The following ZNG1B variants were observed in gnomAD, a reference collection of about 807,000 sequenced individuals.
ZNG1B encodes the protein zinc-regulated GTPase metalloprotein activator 1B.
the ZNG1B span, among the ~76,000 whole-genome samples, chr2:113,489,066 A>G: frequency 4.6e-5 from 7 of 151,812 alleles, no homozygotes; most frequent in Non-Finnish European, 8.8e-5. Context: ...CATTGTCGTC[A>G]GGTTATCTAA....
At chr2:113,457,291 A>G in the ZNG1B span, 2 of 366,276 alleles carry the variant, frequency 5.5e-6, no homozygotes, top group Non-Finnish European at 1.1e-5. Context: ...AGCTTGGAAA[A>G]GGCCAGAACA....
At chr2:113,471,683 C>T in the ZNG1B span, among the ~76,000 whole-genome samples, 1 of 145,814 alleles carries the variant, frequency 6.9e-6, no homozygotes. Context: ...CTTCCTGTGT[C>T]CATGTGTTCT....
chr2:113,473,949 T>G, the ZNG1B span, among the ~76,000 whole-genome samples: 13 of 147,572 alleles, frequency 8.8e-5, no homozygotes, highest in Non-Finnish European at 1.6e-4. Context: ...TAAAATTCTC[T>G]TTTTTGGTTG....
At chr2:113,443,626 G>A in the ZNG1B span, 537 of 1,183,194 alleles carry the variant, frequency 4.5e-4, 8 homozygotes, top group South Asian at 2.4e-3. Context: ...TAGATATCGA[G>A]GCTGCATGAA....
At chr2:113,439,754 T>G in the ZNG1B span, among the ~76,000 whole-genome samples, 1 of 152,228 alleles carries the variant, frequency 6.6e-6, no homozygotes, top group Non-Finnish European at 1.5e-5. Context: ...GTGACTCCTC[T>G]GGCTAGATGT....
the ZNG1B span, among the ~76,000 whole-genome samples, chr2:113,457,642 T>C: frequency 6.0e-5 from 9 of 150,738 alleles, no homozygotes; most frequent in Non-Finnish European, 4.4e-5. Flanking sequence ...CCCAGCTTTA[T>C]TGAGGTACAA....
At chr2:113,467,018 C>T in the ZNG1B span, among the ~76,000 whole-genome samples, 2 of 142,560 alleles carry the variant, frequency 1.4e-5, no homozygotes, top group East Asian at 2.0e-4. Context: ...GAGCTGAGAT[C>T]GCACCACTGC....
At chr2:113,472,708 A>G in the ZNG1B span, among the ~76,000 whole-genome samples, 46 of 151,864 alleles carry the variant, frequency 3.0e-4, no homozygotes, top group Non-Finnish European at 5.5e-4. Flanking sequence ...ACATATGGCT[A>G]GCCAGTTTTC....
chr2:113,455,016 G>A, the ZNG1B span, among the ~76,000 whole-genome samples: 5 of 152,074 alleles, frequency 3.3e-5, no homozygotes, highest in Non-Finnish European at 7.4e-5. Flanking sequence ...TTTGTAATAA[G>A]CATATGGGGT....
the ZNG1B span, chr2:113,455,454 C>T: frequency 2.1e-6 from 1 of 476,564 alleles, no homozygotes. Context: ...TTCTAAGGTC[C>T]TAGAATGCAT....
At chr2:113,494,542 A>G in the ZNG1B span, 14 of 847,754 alleles carry the variant, frequency 1.7e-5, 3 homozygotes, top group Non-Finnish European at 1.8e-5. Context: ...TAAATTAAGA[A>G]TATTATTTCA....
At chr2:113,452,207 A>C in the ZNG1B span, among the ~76,000 whole-genome samples, 4 of 152,168 alleles carry the variant, frequency 2.6e-5, no homozygotes, top group African/African-American at 9.7e-5. Context: ...AATAGGTATC[A>C]GGAAACCATT....
chr2:113,442,265 AATATT>A, the ZNG1B span, among the ~76,000 whole-genome samples: 7,974 of 151,798 alleles, frequency 0.053, 524 homozygotes, highest in African/African-American at 0.18. Context: ...TCTCAACTGA[AATATT>A]AAACTGTAGT....
At chr2:113,462,584 A>C in the ZNG1B span, 2 of 1,431,036 alleles carry the variant, frequency 1.4e-6, no homozygotes, top group Non-Finnish European at 1.9e-6. Context: ...GTAGAAACTT[A>C]AGGTATAAGG....
At chr2:113,473,919 G>A in the ZNG1B span, among the ~76,000 whole-genome samples, 1 of 141,546 alleles carries the variant, frequency 7.1e-6, no homozygotes, top group Non-Finnish European at 1.5e-5. Context: ...TTGCATCAAT[G>A]TTCATCAAGG....
chr2:113,470,945 T>G, the ZNG1B span: 7 of 1,540,256 alleles, frequency 4.5e-6, no homozygotes, highest in African/African-American at 1.4e-5. Flanking sequence ...ATGTATAAAA[T>G]TTTTTAAGAG....
At chr2:113,465,292 A>G in the ZNG1B span, 3 of 401,194 alleles carry the variant, frequency 7.5e-6, no homozygotes, top group African/African-American at 6.2e-5. Flanking sequence ...GCATTTAAAA[A>G]GAATTGGATC....
At chr2:113,461,414 A>T in the ZNG1B span, among the ~76,000 whole-genome samples, 1 of 151,836 alleles carries the variant, frequency 6.6e-6, no homozygotes, top group African/African-American at 2.4e-5. Context: ...TTTTTTCCTT[A>T]TGAAAATATG....
the ZNG1B span, among the ~76,000 whole-genome samples, chr2:113,471,254 G>C: frequency 6.6e-6 from 1 of 151,992 alleles, no homozygotes; most frequent in Non-Finnish European, 1.5e-5. Context: ...TTACTAACTG[G>C]TTGTTTGGAA....
Sources: gnomAD v4.1 joint callset for allele counts (sites outside exome capture counted in the v4.1 genomes callset) on GRCh38, gnomAD v4.1.1 for gene constraint, MANE v1.5 for transcripts, NCBI Gene and HGNC (gene_info 2026-07-23, HGNC 2026-07-21) for gene names.